The following ICA1 variants were observed in gnomAD, a reference collection of about 807,000 sequenced individuals.
The protein encoded by ICA1 is 69 kDa islet cell autoantigen.
ICA1 carries 40 observed loss-of-function variants against 71.0 expected under a neutral mutation model. The ratio of observed to expected loss-of-function variants is 0.56; its 90% CI spans 0.44 to 0.73. ICA1 has a LOEUF of 0.73. Ranked by LOEUF, ICA1 falls within the 30% of genes least tolerant of loss-of-function variation. The pLI, the probability that ICA1 is intolerant of heterozygous loss-of-function variation, is 0.00. For synonymous variants in ICA1, 207 were observed against 209.5 expected (o/e 0.99, Z 0.10); for missense variants, 578 against 576.5 (o/e 1.00, Z -0.03).
chr7:8,251,522 G>T (rs951724140), intron 1 of ICA1, among the ~76,000 whole-genome samples: 1 of 150,464 alleles, frequency 6.6e-6, no homozygotes, highest in African/African-American at 2.5e-5. Context: ...TTACATCTAA[G>T]ATAAAGCTTA....
intron 6 of ICA1, among the ~76,000 whole-genome samples, chr7:8,183,266 C>G (rs1161693701): frequency 6.6e-6 from 1 of 152,188 alleles, no homozygotes; most frequent in African/African-American, 2.4e-5. Context: ...AGTGAAGGTT[C>G]TATCTTAACA....
intron 10 of ICA1, among the ~76,000 whole-genome samples, chr7:8,141,166 G>C (rs1231400603): frequency 6.6e-6 from 1 of 152,234 alleles, no homozygotes; most frequent in African/African-American, 2.4e-5. Context: ...AACACTGGCA[G>C]TAACAGCAGG....
chr7:8,161,749 C>G (rs906688983), intron 6 of ICA1, among the ~76,000 whole-genome samples: 1 of 152,192 alleles, frequency 6.6e-6, no homozygotes, highest in Non-Finnish European at 1.5e-5. Flanking sequence ...CCATTATCAG[C>G]AGAGACCCTC....
intron 6 of ICA1, among the ~76,000 whole-genome samples, chr7:8,162,541 C>T (rs867858811): frequency 6.6e-6 from 1 of 152,200 alleles, no homozygotes; most frequent in South Asian, 2.1e-4. Flanking sequence ...TATCAAGAGT[C>T]TAATTTCATA....
At chr7:8,128,163 C>T (rs768347336) in intron 12 of ICA1, 21 bp from the exon 13 acceptor site, 46 of 1,608,992 alleles carry the variant, frequency 2.9e-5, no homozygotes, top group East Asian at 1.3e-4. Flanking sequence ...TAACAGAGAA[C>T]AAAACGTCAC....
At chr7:8,190,944 A>G (rs1050050248) in intron 6 of ICA1, among the ~76,000 whole-genome samples, 1 of 152,204 alleles carries the variant, frequency 6.6e-6, no homozygotes, top group African/African-American at 2.4e-5. Flanking sequence ...TTTAGCTTCT[A>G]AATTTTTACT....
rs1301447730 is a variant in ICA1 at position 8,144,728 on chromosome 7, A to G, written c.805-756T>C. 6.6e-6 allele frequency among the ~76,000 whole-genome samples: 1 copy of G among 152,248 alleles called. No individual in the cohort carries two copies. The highest frequency in any genetic ancestry group is 1.5e-5 in the Non-Finnish European group (1 of 68,046). On this transcript the variant is annotated intron_variant, in intron 8 of 13. Transcript: ENST00000402384. This position sits in a 1 kb window ranked among gnomAD's most constrained non-coding sequence, Gnocchi z 4.5. ...AGCAAAACATTTCTAGAACTGAATAATGATTTATACAAAAAGATCTCTATT... is the reference window on the plus strand; with the variant it reads ...AGCAAAACATTTCTAGAACTGAATAGTGATTTATACAAAAAGATCTCTATT...
At chr7:8,259,251 C>A (rs544933870) in intron 1 of ICA1, among the ~76,000 whole-genome samples, 63 of 152,286 alleles carry the variant, frequency 4.1e-4, no homozygotes, top group African/African-American at 1.5e-3. Flanking sequence ...GTAGCAGGCA[C>A]GCTAAGATTT....
rs73233932 is a variant in ICA1, at chr7:8,182,525, T to C, written c.580-23873A>G. Reference sequence around the variant, plus strand: ...GTCATTAAAGTCATTAAACCAACCATTGGGATGTTCCAAAGTGGAATGAAT... The same window carrying C: ...GTCATTAAAGTCATTAAACCAACCACTGGGATGTTCCAAAGTGGAATGAAT... On this transcript the variant is annotated intron_variant, in intron 6 of 13. Transcript: ENST00000402384. 5.3e-5 allele frequency among the ~76,000 whole-genome samples: 8 copies of C among 152,296 alleles called. No homozygotes were observed. In the South Asian group the frequency reaches 1.2e-3, roughly 24 times the overall value.
At position 8,158,545 on chromosome 7, in the gene ICA1, G is replaced by T. The variant is rs1381548654; in HGVS notation, c.687C>A (p.His229Gln). Residue 229 changes from histidine to glutamine, a missense_variant, in exon 7 of 14, where the codon CAC (histidine) becomes CAA (glutamine). By Grantham distance (24) the His-to-Gln change is conservative. Coordinates refer to ENST00000402384, the MANE Select transcript of ICA1 (RefSeq NM_001136020.3). The part of the protein sequence containing the change: ...LGASRCNLLS[H>Q]MLATYQTTLL... Reference sequence around the variant, plus strand: ...TTGTTACCTGGTATGTTGCTAGCATGTGAGACAAGAGATTGCATCTGCTCG... The same window carrying T: ...TTGTTACCTGGTATGTTGCTAGCATTTGAGACAAGAGATTGCATCTGCTCG... The T allele has an allele frequency of 1.2e-6, 2 of 1,614,088 alleles. No homozygotes were observed.
intron 6 of ICA1, among the ~76,000 whole-genome samples, chr7:8,171,782 C>A (rs1808455686): frequency 6.6e-6 from 1 of 151,498 alleles, no homozygotes; most frequent in Non-Finnish European, 1.5e-5. Flanking sequence ...TAGCTGTATC[C>A]CACACATTTT....
In ICA1 at chr7:8,129,957, G is replaced by C. The variant is rs574412205; in HGVS notation, c.1061-1815C>G. 2.4e-3 allele frequency among the ~76,000 whole-genome samples: 270 copies of C among 110,840 alleles called. 1 individual carries two copies. The highest frequency in any genetic ancestry group is 7.6e-3 in the African/African-American group (253 of 33,498). 72.7% of individuals were successfully genotyped at this position (110,840 alleles called of 152,430 possible). On this transcript the variant is annotated intron_variant, in intron 12 of 13. Transcript: ENST00000402384. ...CTACGAGATAGAATATGCGGTATTT[G>C]GTTTTTTGTCCTTGGCGATAGTTTG...
At chr7:8,128,447 A>C (rs1452787318) in intron 12 of ICA1, among the ~76,000 whole-genome samples, 1 of 152,242 alleles carries the variant, frequency 6.6e-6, no homozygotes, top group Non-Finnish European at 1.5e-5. Flanking sequence ...GATATGAAAC[A>C]AGGCCAAGAT....
intron 13 of ICA1, among the ~76,000 whole-genome samples, chr7:8,117,923 G>C (rs545468042): frequency 6.6e-6 from 1 of 152,158 alleles, no homozygotes; most frequent in African/African-American, 2.4e-5. Flanking sequence ...CTATTTCTTA[G>C]TTTACACTTT....
intron 6 of ICA1, among the ~76,000 whole-genome samples, chr7:8,169,959 A>G (rs978283939): frequency 1.1e-4 from 17 of 148,532 alleles, no homozygotes; most frequent in African/African-American, 4.2e-4. Flanking sequence ...CCCCTAATCT[A>G]AGGTCTAAAA....
rs1479485257 is a variant in ICA1, at chr7:8,132,621, G to A, written c.1061-4479C>T. On this transcript the variant is annotated intron_variant, in intron 12 of 13. Transcript: ENST00000402384. This position sits in a 1 kb window ranked among gnomAD's most constrained non-coding sequence, Gnocchi z 4.5. ...CAGCCTGGAAATGCTGCTATCTCCTGGGAGTCCCCATGAGGCGGCTCTCTC... is the reference window on the plus strand; with the variant it reads ...CAGCCTGGAAATGCTGCTATCTCCTAGGAGTCCCCATGAGGCGGCTCTCTC... 6.6e-6 allele frequency among the ~76,000 whole-genome samples: 1 copy of A among 152,156 alleles called. No homozygotes were observed. The highest frequency in any genetic ancestry group is 2.4e-5 in the African/African-American group (1 of 41,434).
At chr7:8,208,420 TAAA>T (rs1213241464) in intron 6 of ICA1, among the ~76,000 whole-genome samples, 1 of 151,992 alleles carries the variant, frequency 6.6e-6, no homozygotes, top group East Asian at 1.9e-4. Context: ...AAAATAAAAA[TAAA>T]AATAAAAAGT....
rs1282262061 is a variant in ICA1, at chr7:8,223,233, GCTA to G, written c.257-1838_257-1836del. On this transcript the variant is annotated intron_variant, in intron 4 of 13. Transcript: ENST00000402384. The surrounding 1 kb of genome is among the most constrained non-coding windows in gnomAD (Gnocchi z 4.1). ...TCATTTTTGATCTTAATCGTGTGAG[GCTA>G]CTGTCACCCTTTTTACCTTGAAGTC... Among the ~76,000 whole-genome samples, 1 of 152,082 alleles carries G rather than the reference GCTA, an allele frequency of 6.6e-6. No homozygotes were observed. Among genetic ancestry groups the G allele is most frequent in the East Asian group, 1.9e-4 (1 of 5,186 alleles).
rs1434568099 is a variant in ICA1, at chr7:8,143,905, C to G, written c.872G>C (p.Ser291Thr). Residue 291 changes from serine (S) to threonine (T), a missense_variant, in exon 9 of 14, where the codon AGT becomes ACT. Ser to Thr is a moderately conservative substitution (Grantham distance 58). Transcript: ENST00000402384. ...CGGCTCCTGCACGGCTGCATCTGTA[C>G]TTTCCTGCTGGTTGATTTTCTTCTT... ...EEKKKINQQESTDAAVQEPSQ... is the reference protein window; with the variant it reads ...EEKKKINQQETTDAAVQEPSQ... 7.4e-6 allele frequency: 12 copies of G among 1,612,774 alleles called. No homozygotes were observed. In the East Asian group the frequency reaches 2.7e-4, roughly 36 times the overall value.
Sources: allele counts gnomAD v4.1 joint callset (sites outside exome capture counted in the v4.1 genomes callset), GRCh38; gene constraint gnomAD v4.1.1; non-coding constraint Gnocchi (gnomAD v3.1); transcripts MANE v1.5; gene names NCBI Gene and HGNC (gene_info 2026-07-23, HGNC 2026-07-21).